SLC24A2: variants seen among roughly 807,000 people sequenced by gnomAD.
SLC24A2 encodes the protein sodium/potassium/calcium exchanger 2.
Under a neutral mutation model 62.0 loss-of-function variants are expected in SLC24A2, and 36 were observed. The observed-to-expected ratio is 0.58, with a 90% confidence interval of 0.44 to 0.77. The LOEUF is 0.77. Ranked by LOEUF, SLC24A2 falls within the 30% of genes least tolerant of loss-of-function variation. The probability of loss-of-function intolerance (pLI) is 0.00; values close to 1 mark genes in which losing one functional copy is unlikely to be tolerated. For synonymous variants in SLC24A2, 358 were observed against 294.0 expected (o/e 1.22, Z -2.23); for missense variants, 846 against 817.9 (o/e 1.03, Z -0.42).
chr9:19,853,013 C>T, the SLC24A2 span, among the ~76,000 whole-genome samples: 6 of 152,050 alleles, frequency 3.9e-5, no homozygotes, highest in Non-Finnish European at 5.9e-5. Flanking sequence ...TTGTAGTTCT[C>T]CTTGAAGAGG....
At chr9:20,290,460 C>T in the SLC24A2 span, among the ~76,000 whole-genome samples, 1 of 152,238 alleles carries the variant, frequency 6.6e-6, no homozygotes, top group Non-Finnish European at 1.5e-5. Context: ...CCTTGGCCAG[C>T]TTCTCTAAGC....
At chr9:19,597,635 C>A (rs1271647629) in intron 4 of SLC24A2, among the ~76,000 whole-genome samples, 1 of 152,192 alleles carries the variant, frequency 6.6e-6, no homozygotes, top group Non-Finnish European at 1.5e-5. Flanking sequence ...AGGGACTGAA[C>A]AAGGACAACG....
At chr9:20,147,383 G>T in the SLC24A2 span, among the ~76,000 whole-genome samples, 1 of 152,126 alleles carries the variant, frequency 6.6e-6, no homozygotes, top group East Asian at 1.9e-4. Flanking sequence ...TGTGAATATT[G>T]TATAATACCA....
intron 1 of SLC24A2, chr9:19,788,660 C>G (rs906441545): frequency 1.0e-6 from 1 of 985,050 alleles, no homozygotes; most frequent in South Asian, 4.7e-5. Flanking sequence ...CTGCCCCACG[C>G]CCCCCATCCC....
chr9:19,513,178 A>ATATG lies in SLC24A2; in HGVS notation c.*2974_*2975insCATA, dbSNP rs1554665737. 300 of 108,184 alleles carry ATATG rather than the reference A, an allele frequency of 2.8e-3. 2 individuals are homozygous for ATATG. The Middle Eastern group carries it at 0.029, about 10-fold the overall frequency. The allele number at this position is 108,184 out of a possible 1,614,324, so 6.7% of individuals were successfully genotyped here. ...GATATATATATATATATATATATGT[A>ATATG]TATATATATATATGTATATATTTAT... On this transcript the variant is annotated 3_prime_UTR_variant, in exon 11 of 11. Coordinates refer to ENST00000341998, the MANE Select transcript of SLC24A2 (RefSeq NM_020344.4).
chr9:20,167,152 G>A, the SLC24A2 span, among the ~76,000 whole-genome samples: 2 of 151,952 alleles, frequency 1.3e-5, no homozygotes, highest in African/African-American at 4.8e-5. Flanking sequence ...TAAACACACT[G>A]AATGGGAAAA....
At chr9:20,032,692 C>A in the SLC24A2 span, among the ~76,000 whole-genome samples, 1 of 152,156 alleles carries the variant, frequency 6.6e-6, no homozygotes, top group Non-Finnish European at 1.5e-5. Flanking sequence ...AGGAGATGAA[C>A]AATTCTGCAT....
chr9:20,043,330 C>G, the SLC24A2 span, among the ~76,000 whole-genome samples: 1 of 152,220 alleles, frequency 6.6e-6, no homozygotes, highest in Non-Finnish European at 1.5e-5. Context: ...CCTGCTAACA[C>G]AACACCCATT....
chr9:19,847,426 A>T, the SLC24A2 span, among the ~76,000 whole-genome samples: 7 of 152,196 alleles, frequency 4.6e-5, no homozygotes, highest in Non-Finnish European at 1.0e-4. Context: ...ATGGTCAACA[A>T]AACTCTCAAT....
the SLC24A2 span, among the ~76,000 whole-genome samples, chr9:20,172,298 C>T: frequency 3.3e-5 from 5 of 151,826 alleles, no homozygotes; most frequent in Admixed American, 2.6e-4. Flanking sequence ...ACTAGAGAAA[C>T]AAGAACAAAC....
chr9:19,638,279 A>T (rs1465108084), intron 2 of SLC24A2, among the ~76,000 whole-genome samples: 1 of 152,166 alleles, frequency 6.6e-6, no homozygotes, highest in African/African-American at 2.4e-5. Context: ...TTGGAGAAAA[A>T]GGTTATTTTC....
the SLC24A2 span, among the ~76,000 whole-genome samples, chr9:19,946,629 T>A: frequency 6.4e-4 from 97 of 152,220 alleles, no homozygotes; most frequent in African/African-American, 2.2e-3. Flanking sequence ...TGAGACAACC[T>A]GTGCTTAAGC....
chr9:20,129,035 A>G, the SLC24A2 span, among the ~76,000 whole-genome samples: 1 of 152,096 alleles, frequency 6.6e-6, no homozygotes, highest in South Asian at 2.1e-4. Context: ...TTCAAATAAT[A>G]TCTCTCATAA....
At chr9:19,829,802 TATATATATACACACACACACACAC>T in the SLC24A2 span, among the ~76,000 whole-genome samples, 1 of 33,230 alleles carries the variant, frequency 3.0e-5, no homozygotes, top group Non-Finnish European at 1.2e-4. Context: ...TGTGTGTATA[TATATATATACACACACACACACAC>T]ACACACACAC....
chr9:20,158,086 T>C, the SLC24A2 span, among the ~76,000 whole-genome samples: 2 of 151,658 alleles, frequency 1.3e-5, no homozygotes, highest in African/African-American at 4.8e-5. Context: ...AGAAGTATCT[T>C]TTAATACATA....
the SLC24A2 span, among the ~76,000 whole-genome samples, chr9:20,046,599 G>T: frequency 6.6e-6 from 1 of 152,140 alleles, no homozygotes. Context: ...AATGTGTTCG[G>T]GGGGCAGTAA....
intron 7 of SLC24A2, among the ~76,000 whole-genome samples, chr9:19,570,744 C>G (rs1177507724): frequency 6.6e-6 from 1 of 152,230 alleles, no homozygotes; most frequent in African/African-American, 2.4e-5. Context: ...CTGCACTTCA[C>G]AGATGAGGCA....
intron 2 of SLC24A2, among the ~76,000 whole-genome samples, chr9:19,671,628 G>C (rs868648427): frequency 6.6e-6 from 1 of 152,156 alleles, no homozygotes; most frequent in African/African-American, 2.4e-5. Context: ...TCCTTGTCTT[G>C]TTCTGATTCT....
At chr9:19,881,067 T>G in the SLC24A2 span, among the ~76,000 whole-genome samples, 1 of 152,188 alleles carries the variant, frequency 6.6e-6, no homozygotes, top group African/African-American at 2.4e-5. Context: ...GAAGGATGAT[T>G]AGTATATGTC....
Sources: allele counts gnomAD v4.1 joint callset (sites outside exome capture counted in the v4.1 genomes callset), GRCh38; gene constraint gnomAD v4.1.1; transcripts MANE v1.5; gene names NCBI Gene and HGNC (gene_info 2026-07-23, HGNC 2026-07-21).